The following GMDS variants were observed in gnomAD, a reference collection of about 807,000 sequenced individuals.
GMDS encodes GDP-mannose 4,6-dehydratase.
Under a neutral mutation model 49.9 loss-of-function variants are expected in GMDS, and 20 were observed. That is an observed-to-expected ratio of 0.40 (90% CI 0.28 to 0.58). The LOEUF (loss-of-function observed/expected upper bound fraction) is 0.58, where lower values mean the gene tolerates loss of function less well. Among genes scored for constraint, GMDS ranks in the 20% least tolerant of loss-of-function variants. The pLI is 0.42. For missense variants in GMDS, 362 were observed against 481.4 expected, an observed-to-expected ratio of 0.75 and a Z score of 2.32; for synonymous variants, 177 against 178.6, an observed-to-expected ratio of 0.99 and a Z score of 0.07.
chr6:2,067,574 A>G (rs1019927277), intron 4 of GMDS, among the ~76,000 whole-genome samples: 7 of 152,222 alleles, frequency 4.6e-5, no homozygotes, highest in African/African-American at 1.4e-4. Flanking sequence ...AAAAAATGAT[A>G]AAGGGGATAT....
chr6:1,641,704 T>TTCTCTC (rs67714741), intron 9 of GMDS, among the ~76,000 whole-genome samples: 47 of 147,968 alleles, frequency 3.2e-4, no homozygotes, highest in Middle Eastern at 3.6e-3. Flanking sequence ...CTCGGATGAT[T>TTCTCTC]TCTCTCTCTC....
intron 9 of GMDS, among the ~76,000 whole-genome samples, chr6:1,685,313 C>T (rs1162775953): frequency 2.0e-5 from 3 of 151,994 alleles, no homozygotes; most frequent in African/African-American, 7.2e-5. Context: ...AGGCCGGAGC[C>T]GAGATCACGC....
chr6:1,667,122 A>T (rs528861667), intron 9 of GMDS, among the ~76,000 whole-genome samples: 9 of 152,316 alleles, frequency 5.9e-5, no homozygotes, highest in Non-Finnish European at 8.8e-5. Flanking sequence ...TGTCTTTGAG[A>T]GTGGTGACGG....
At chr6:1,679,051 CAT>C (rs1466422334) in intron 9 of GMDS, 1 of 152,232 alleles carries the variant, frequency 6.6e-6, no homozygotes, top group Non-Finnish European at 1.5e-5. Context: ...TAGCTCCAAA[CAT>C]GTGCATGCGT....
At chr6:1,965,562 C>A (rs1019583724) in intron 4 of GMDS, among the ~76,000 whole-genome samples, 28 of 152,164 alleles carry the variant, frequency 1.8e-4, no homozygotes, top group African/African-American at 6.8e-4. Context: ...GTGGCTCACA[C>A]CTGTGGTCCC....
intron 1 of GMDS, among the ~76,000 whole-genome samples, chr6:2,134,201 G>T (rs971681771): frequency 1.1e-4 from 16 of 152,184 alleles, no homozygotes; most frequent in African/African-American, 3.9e-4. Context: ...GGGATAAAAT[G>T]AACAGTTGGC....
intron 1 of GMDS, among the ~76,000 whole-genome samples, chr6:2,184,882 C>T (rs1778710162): frequency 6.6e-6 from 1 of 152,192 alleles, no homozygotes; most frequent in African/African-American, 2.4e-5. Context: ...TGTGACATTG[C>T]TCCAGTGTGC....
chr6:1,718,256 C>T (rs757929619), intron 9 of GMDS, among the ~76,000 whole-genome samples: 6 of 152,118 alleles, frequency 3.9e-5, no homozygotes, highest in Non-Finnish European at 7.4e-5. Flanking sequence ...ACTAGGCCTC[C>T]AGCTCCAACT....
intron 1 of GMDS, among the ~76,000 whole-genome samples, chr6:2,150,237 T>G (rs1007417590): frequency 6.6e-6 from 1 of 152,106 alleles, no homozygotes; most frequent in Admixed American, 6.5e-5. Context: ...CAACTTCTGA[T>G]CAAGGTGAAA....
intron 7 of GMDS, among the ~76,000 whole-genome samples, chr6:1,880,003 A>G (rs1759286183): frequency 1.3e-5 from 2 of 152,208 alleles, no homozygotes; most frequent in African/African-American, 4.8e-5. Context: ...TTTATTATTC[A>G]ACGTATATCT....
intron 9 of GMDS, among the ~76,000 whole-genome samples, chr6:1,681,844 C>T (rs950302688): frequency 2.6e-5 from 4 of 152,340 alleles, no homozygotes; most frequent in Admixed American, 6.5e-5. Context: ...TATAGGCACG[C>T]ACCACAGTGT....
chr6:1,960,784 C>T lies in GMDS; in HGVS notation c.528G>A (p.Arg176=). The change falls in exon 5 of 11, where the codon CGG becomes CGA. Residue 176 remains arginine (R), a synonymous_variant. Transcript: ENST00000380815. ...PQKETTPFYP[R]SPYGAAKLYA... ...CACGCATGTTCTCACCATAGGGTGA[C>T]CGGGGATAGAAAGGGGTGGTCTCCT... 1.3e-6 allele frequency: 2 copies of T among 1,595,476 alleles called. No individual in the cohort carries two copies. Among genetic ancestry groups the T allele is most frequent in the Non-Finnish European group, 1.7e-6 (2 of 1,165,878 alleles).
intron 4 of GMDS, among the ~76,000 whole-genome samples, chr6:2,085,516 C>G (rs931410494): frequency 6.6e-6 from 1 of 152,114 alleles, no homozygotes; most frequent in Non-Finnish European, 1.5e-5. Context: ...ACATCAGTCT[C>G]CTCGGAAGAG....
At chr6:2,190,972 C>T (rs535565482) in intron 1 of GMDS, among the ~76,000 whole-genome samples, 1 of 152,240 alleles carries the variant, frequency 6.6e-6, no homozygotes, top group Non-Finnish European at 1.5e-5. Context: ...TAGCCCCACA[C>T]CACCACTCTC....
At chr6:1,860,628 A>G (rs1381257856) in intron 7 of GMDS, among the ~76,000 whole-genome samples, 6 of 152,206 alleles carry the variant, frequency 3.9e-5, no homozygotes, top group Admixed American at 1.3e-4. Flanking sequence ...GTTACACCTC[A>G]ATACACCTGC....
At chr6:1,747,849 T>C (rs1051603782) in intron 7 of GMDS, among the ~76,000 whole-genome samples, 2 of 152,224 alleles carry the variant, frequency 1.3e-5, no homozygotes, top group African/African-American at 4.8e-5. Flanking sequence ...CTTATGGCTA[T>C]GTCTATTTTC....
chr6:1,672,676 C>T (rs1764467146), intron 9 of GMDS, among the ~76,000 whole-genome samples: 1 of 152,228 alleles, frequency 6.6e-6, no homozygotes, highest in South Asian at 2.1e-4. Context: ...TTCATCACCA[C>T]CAGACTGGGT....
chr6:1,694,665 T>C (rs779167820), intron 9 of GMDS, among the ~76,000 whole-genome samples: 25 of 152,218 alleles, frequency 1.6e-4, no homozygotes, highest in Non-Finnish European at 2.2e-4. Flanking sequence ...TTTAGTAGCA[T>C]AGCAAGAGGT....
chr6:1,881,267 G>C (rs984680813), intron 7 of GMDS, among the ~76,000 whole-genome samples: 12 of 152,142 alleles, frequency 7.9e-5, no homozygotes, highest in Non-Finnish European at 1.5e-4. Flanking sequence ...GAGAACATGG[G>C]AGAAACAAAT....
Sources: allele counts gnomAD v4.1 joint callset (sites outside exome capture counted in the v4.1 genomes callset), GRCh38; gene constraint gnomAD v4.1.1; transcripts MANE v1.5; gene names NCBI Gene and HGNC (gene_info 2026-07-23, HGNC 2026-07-21).